ROBO1: variants seen among roughly 807,000 people sequenced by gnomAD.
ROBO1 encodes the protein roundabout homolog 1.
ROBO1 carries 149 observed loss-of-function variants against 195.9 expected under a neutral mutation model. The ratio of observed to expected loss-of-function variants is 0.76; its 90% CI spans 0.67 to 0.87. The LOEUF (loss-of-function observed/expected upper bound fraction) is 0.87. ROBO1 is among the 40% of genes least tolerant of loss of function. The probability of loss-of-function intolerance (pLI) is 0.00; values close to 1 mark genes in which losing one functional copy is unlikely to be tolerated. For missense variants in ROBO1, 1,933 were observed against 2,068.3 expected (o/e 0.93, Z 1.27); for synonymous variants, 816 against 733.2 (o/e 1.11, Z -1.82).
At chr3:78,876,892 G>A (rs985039841) in intron 4 of ROBO1, among the ~76,000 whole-genome samples, 3 of 150,546 alleles carry the variant, frequency 2.0e-5, no homozygotes, top group Admixed American at 6.6e-5. Flanking sequence ...TTTTCTATTT[G>A]AACTATTAAG....
At chr3:79,320,482 C>T (rs1012437819) in intron 2 of ROBO1, among the ~76,000 whole-genome samples, 5 of 152,154 alleles carry the variant, frequency 3.3e-5, no homozygotes, top group African/African-American at 9.7e-5. Context: ...TGTGTACCAT[C>T]ATGCCCAGCT....
At chr3:79,108,359 T>C (rs2079822523) in intron 3 of ROBO1, among the ~76,000 whole-genome samples, 2 of 151,686 alleles carry the variant, frequency 1.3e-5, no homozygotes, top group South Asian at 4.1e-4. Flanking sequence ...TTAGTCACTT[T>C]AAAGATAAAT....
intron 28 of ROBO1, among the ~76,000 whole-genome samples, chr3:78,608,020 T>TACACACACACAC (rs56715450): frequency 0.017 from 2,540 of 149,838 alleles, 26 homozygotes; most frequent in African/African-American, 0.036. Context: ...TAATTTCATT[T>TACACACACACAC]ACACACACAC....
intron 2 of ROBO1, among the ~76,000 whole-genome samples, chr3:79,564,087 C>T (rs1199960896): frequency 6.7e-6 from 1 of 149,436 alleles, no homozygotes; most frequent in Non-Finnish European, 1.5e-5. Flanking sequence ...ACTCCAATTC[C>T]AAGATAAACA....
At chr3:79,703,818 C>T (rs1947689686) in intron 1 of ROBO1, among the ~76,000 whole-genome samples, 3 of 151,878 alleles carry the variant, frequency 2.0e-5, no homozygotes, top group Non-Finnish European at 1.5e-5. Context: ...CCTAATACTT[C>T]TATTTTTGAA....
intron 2 of ROBO1, among the ~76,000 whole-genome samples, chr3:79,538,247 T>C (rs188947817): frequency 3.5e-4 from 53 of 152,274 alleles, no homozygotes; most frequent in Admixed American, 9.2e-4. Flanking sequence ...AATGTATCTT[T>C]CCAATCATGA....
chr3:79,412,176 G>A (rs2037795113), intron 2 of ROBO1, among the ~76,000 whole-genome samples: 1 of 152,036 alleles, frequency 6.6e-6, no homozygotes, highest in Non-Finnish European at 1.5e-5. Flanking sequence ...TAAAAAGCAG[G>A]TATATTCTCA....
intron 2 of ROBO1, among the ~76,000 whole-genome samples, chr3:79,367,783 A>T (rs911793388): frequency 8.5e-5 from 13 of 152,208 alleles, no homozygotes; most frequent in Non-Finnish European, 1.0e-4. Flanking sequence ...TTTGTAATTA[A>T]GTATTACGAG....
At chr3:79,542,501 T>C (rs1263141359) in intron 2 of ROBO1, among the ~76,000 whole-genome samples, 1 of 152,092 alleles carries the variant, frequency 6.6e-6, no homozygotes, top group Admixed American at 6.6e-5. Flanking sequence ...TTAAAGAAAC[T>C]CAAGCTTCAG....
intron 22 of ROBO1, among the ~76,000 whole-genome samples, chr3:78,637,183 T>G (rs1482072999): frequency 6.6e-6 from 1 of 151,680 alleles, no homozygotes; most frequent in Non-Finnish European, 1.5e-5. Context: ...TTAACATGTT[T>G]GTTACTAAAG....
chr3:79,238,242 C>T (rs147564156), intron 2 of ROBO1, among the ~76,000 whole-genome samples: 3 of 152,216 alleles, frequency 2.0e-5, no homozygotes, highest in East Asian at 3.9e-4. Context: ...GAGTATAATG[C>T]AATTTAATCA....
intron 8 of ROBO1, among the ~76,000 whole-genome samples, chr3:78,708,103 G>A (rs1394559086): frequency 1.3e-5 from 2 of 152,126 alleles, no homozygotes; most frequent in Admixed American, 6.6e-5. Context: ...CTTTATCTGT[G>A]AAGTTACAAA....
At chr3:78,935,181 C>A (rs1244482893) in intron 4 of ROBO1, among the ~76,000 whole-genome samples, 1 of 152,020 alleles carries the variant, frequency 6.6e-6, no homozygotes. Context: ...CTACAAAAGA[C>A]ATAATCTTTA....
chr3:78,833,506 T>G (rs1054803055), intron 4 of ROBO1, among the ~76,000 whole-genome samples: 9 of 151,850 alleles, frequency 5.9e-5, no homozygotes, highest in Non-Finnish European at 1.2e-4. Context: ...GAAAATATAT[T>G]TAATTGTACT....
chr3:79,292,869 AT>A (rs2032341061), intron 2 of ROBO1, among the ~76,000 whole-genome samples: 1 of 152,166 alleles, frequency 6.6e-6, no homozygotes, highest in South Asian at 2.1e-4. Context: ...AGGTTTTGGT[AT>A]CAGGATGATG....
intron 2 of ROBO1, among the ~76,000 whole-genome samples, chr3:79,293,745 C>CTAA (rs2032401561): frequency 1.3e-5 from 2 of 152,110 alleles, no homozygotes; most frequent in Non-Finnish European, 2.9e-5. Flanking sequence ...CTACCATTGA[C>CTAA]TTTCTTCACA....
At chr3:79,146,595 A>AGT (rs1293866171) in intron 2 of ROBO1, among the ~76,000 whole-genome samples, 1 of 151,944 alleles carries the variant, frequency 6.6e-6, no homozygotes, top group Non-Finnish European at 1.5e-5. Flanking sequence ...ACTTATGTGA[A>AGT]GTATGCAGAT....
Position 78,614,632 on chromosome 3 carries a change from GT to G in ROBO1, c.4435+15del, listed in dbSNP as rs750803519. ...GCGAGATTCATAGACGTTTTCATCCGTGTCAATGGACTCACCATCTGTGTAG... is the reference window on the plus strand; with the variant it reads ...GCGAGATTCATAGACGTTTTCATCCGGTCAATGGACTCACCATCTGTGTAG... On this transcript the variant is annotated intron_variant, in intron 28 of 30. Coordinates refer to ENST00000464233, the MANE Select transcript of ROBO1 (RefSeq NM_002941.4). 3.7e-6 allele frequency: 6 copies of G among 1,612,130 alleles called. No homozygotes were observed. The African/African-American group carries it at 8.0e-5, about 22-fold the overall frequency.
At position 78,720,955 on chromosome 3, in the gene ROBO1, G is replaced by C. The variant is rs547943870; in HGVS notation, c.658-3072C>G. Among the ~76,000 whole-genome samples the C allele has an allele frequency of 7.3e-5, 11 of 151,012 alleles. No individual in the cohort carries two copies. In the East Asian group the frequency reaches 1.4e-3, roughly 19 times the overall value. ...ACTGGGACCTGTTGTGGGGTTGGGG[G>C]GGGGGCGGTGGAGGCATAGCATTAG... is the stretch of plus-strand genomic sequence containing the variant. On this transcript the variant is annotated intron_variant, in intron 5 of 30. Transcript: ENST00000464233.
Sources: gnomAD v4.1 joint callset for allele counts (sites outside exome capture counted in the v4.1 genomes callset) on GRCh38, gnomAD v4.1.1 for gene constraint, MANE v1.5 for transcripts, NCBI Gene and HGNC (gene_info 2026-07-23, HGNC 2026-07-21) for gene names.